The following USP48 variants were observed in gnomAD, a reference collection of about 807,000 sequenced individuals.
The protein encoded by USP48 is ubiquitin specific peptidase 48, also known as ubiquitin carboxyl-terminal hydrolase 48.
In USP48, 43 loss-of-function variants were observed where a neutral mutation model predicts 150.7. The observed-to-expected ratio is 0.29, with a 90% CI of 0.22 to 0.37. The LOEUF (loss-of-function observed/expected upper bound fraction) is 0.37, where lower values mean the gene tolerates loss of function less well. Ranked by LOEUF, USP48 falls within the 10% of genes least tolerant of loss-of-function variation. The pLI, the probability that USP48 is intolerant of heterozygous loss-of-function variation, is 1.00. For synonymous variants in USP48, 396 were observed against 425.9 expected (o/e 0.93, Z 0.86); for missense variants, 813 against 1,249.6 (o/e 0.65, Z 5.27).
intron 1 of USP48, among the ~76,000 whole-genome samples, chr1:21,781,439 CAATA>C (rs1033971618): frequency 1.3e-5 from 2 of 151,212 alleles, no homozygotes; most frequent in Non-Finnish European, 2.9e-5. Flanking sequence ...AACACCGTCT[CAATA>C]AATAAATAAA....
In USP48 at chr1:21,744,777, T is replaced by TTA. The variant is rs34236432; in HGVS notation, c.991+2289_991+2290insTA. Among the ~76,000 whole-genome samples, 21 of 59,598 alleles carry TTA rather than the reference T, an allele frequency of 3.5e-4. No homozygotes were observed. The South Asian group carries it at 0.012, about 34-fold the overall frequency. The allele number at this position is 59,598 out of a possible 152,430, so 39.1% of individuals were successfully genotyped here. On this transcript the variant is annotated intron_variant, in intron 8 of 26. Coordinates refer to ENST00000308271, the MANE Select transcript of USP48 (RefSeq NM_032236.8). ...GGGCAACAGAATGAAACTCTATCTC[T>TTA]AAAAAAAAAAAAAAAAAAAAAAAAA... is the stretch of plus-strand genomic sequence containing the variant.
intron 9 of USP48, 130 bp downstream of exon 9, chr1:21,736,316 G>T: frequency 2.2e-6 from 2 of 930,008 alleles, no homozygotes; most frequent in Non-Finnish European, 3.1e-6. Flanking sequence ...GATTTTACAT[G>T]TGTTTAAGAA....
chr1:21,693,078 T>C (rs531505782), intron 23 of USP48, among the ~76,000 whole-genome samples: 6 of 152,130 alleles, frequency 3.9e-5, no homozygotes, highest in East Asian at 1.9e-4. Flanking sequence ...AAAGAAAATA[T>C]AGAAGCGATC....
At chr1:21,717,816 T>C (rs1188010183) in intron 14 of USP48, among the ~76,000 whole-genome samples, 1 of 152,076 alleles carries the variant, frequency 6.6e-6, no homozygotes, top group East Asian at 1.9e-4. Context: ...TAGCCCACTG[T>C]GCTGGTGCAT....
intron 23 of USP48, among the ~76,000 whole-genome samples, chr1:21,690,423 T>C (rs1002915926): frequency 4.6e-5 from 7 of 152,330 alleles, no homozygotes; most frequent in Middle Eastern, 3.4e-3. Context: ...TGATGGCTAT[T>C]CTGAGGCTTG....
chr1:21,718,719 G>T (rs1368708718), intron 14 of USP48, among the ~76,000 whole-genome samples: 4 of 151,806 alleles, frequency 2.6e-5, no homozygotes, highest in African/African-American at 7.3e-5. Flanking sequence ...CACCACGCCT[G>T]GATAATTTTT....
At chr1:21,728,094 GA>G in intron 11 of USP48, 1 of 985,754 alleles carries the variant, frequency 1.0e-6, no homozygotes, top group Non-Finnish European at 1.2e-6. Context: ...GGGGTCAGCA[GA>G]AAGCTTTTCT....
intron 1 of USP48, 116 bp downstream of exon 1, chr1:21,782,708 C>T: frequency 7.3e-7 from 1 of 1,379,068 alleles, no homozygotes; most frequent in East Asian, 2.9e-5. Context: ...CCACCTCGCT[C>T]GGCTCCGCGC....
At chr1:21,706,418 G>A in intron 17 of USP48, 49 bp downstream of exon 17, 3 of 1,610,770 alleles carry the variant, frequency 1.9e-6, no homozygotes, top group Non-Finnish European at 2.5e-6. Flanking sequence ...ATTTGGCAAG[G>A]GCTTTAAAAA....
At chr1:21,732,749 T>C in intron 9 of USP48, 1 of 307,400 alleles carries the variant, frequency 3.3e-6, no homozygotes, top group Non-Finnish European at 6.3e-6. Flanking sequence ...AAATGCCTAC[T>C]ATAAAACAAG....
intron 1 of USP48, among the ~76,000 whole-genome samples, chr1:21,765,581 C>T (rs958939184): frequency 2.0e-5 from 3 of 148,600 alleles, no homozygotes; most frequent in African/African-American, 7.5e-5. Flanking sequence ...CACGCCACTG[C>T]ACTCAAGTCT....
At chr1:21,703,258 C>T (rs189332061) in intron 21 of USP48, among the ~76,000 whole-genome samples, 2 of 152,348 alleles carry the variant, frequency 1.3e-5, no homozygotes, top group East Asian at 3.9e-4. Flanking sequence ...ACTGTATCCC[C>T]AGCACCTGGA....
At chr1:21,700,014 A>T (rs980535659) in intron 22 of USP48, among the ~76,000 whole-genome samples, 23 of 147,084 alleles carry the variant, frequency 1.6e-4, no homozygotes, top group East Asian at 1.5e-3. Flanking sequence ...ACATATTAGT[A>T]GAGTCAACTA....
At chr1:21,741,966 A>G (rs1038366583) in intron 8 of USP48, among the ~76,000 whole-genome samples, 1 of 152,162 alleles carries the variant, frequency 6.6e-6, no homozygotes, top group African/African-American at 2.4e-5. Context: ...ACAGAGCAAG[A>G]CCATCTTAAA....
At chr1:21,724,449 G>T in intron 11 of USP48, 1 of 416,304 alleles carries the variant, frequency 2.4e-6, no homozygotes, top group Non-Finnish European at 4.3e-6. Context: ...ATGCTCCATT[G>T]CTGCCTCACA....
At chr1:21,680,765 T>C in intron 26 of USP48, 43 bp downstream of exon 26, 2 of 1,552,168 alleles carry the variant, frequency 1.3e-6, no homozygotes, top group Non-Finnish European at 1.7e-6. Context: ...AATTACAGGA[T>C]GACTCTGACA....
At chr1:21,679,844 CCA>C (rs2097560761) in intron 26 of USP48, among the ~76,000 whole-genome samples, 1 of 152,196 alleles carries the variant, frequency 6.6e-6, no homozygotes, top group African/African-American at 2.4e-5. Flanking sequence ...CAGGCGCACG[CCA>C]CCATGCCCGG....
chr1:21,694,590 A>C (rs1329871221), intron 23 of USP48, among the ~76,000 whole-genome samples: 1 of 140,128 alleles, frequency 7.1e-6, no homozygotes, highest in African/African-American at 2.6e-5. Flanking sequence ...AAAAAAAAAA[A>C]AAAAAAAAAA....
chr1:21,685,769 T>C (rs2097579032), intron 25 of USP48: 1 of 152,238 alleles, frequency 6.6e-6, no homozygotes. Flanking sequence ...TTACTGAATG[T>C]TCATCAGTTG....
Sources: gnomAD v4.1 joint callset for allele counts (sites outside exome capture counted in the v4.1 genomes callset) on GRCh38, gnomAD v4.1.1 for gene constraint, MANE v1.5 for transcripts, NCBI Gene and HGNC (gene_info 2026-07-23, HGNC 2026-07-21) for gene names.